Variants in SPAG16 observed in about 807,000 individuals in gnomAD.
SPAG16 encodes the protein sperm-associated antigen 16 protein.
SPAG16 carries 86 observed loss-of-function variants against 80.4 expected under a neutral mutation model. That is an observed-to-expected ratio of 1.07 (90% CI 0.90 to 1.28). The LOEUF (loss-of-function observed/expected upper bound fraction) is 1.28. SPAG16 is among the 50% of genes most tolerant of loss of function. The pLI, the probability that SPAG16 is intolerant of heterozygous loss-of-function variation, is 0.00. For synonymous variants in SPAG16, 294 were observed against 265.9 expected (o/e 1.11, Z -1.03); for missense variants, 870 against 765.3 (o/e 1.14, Z -1.61).
chr2:214,185,162 T>C (rs2125680932), intron 15 of SPAG16, among the ~76,000 whole-genome samples: 1 of 152,212 alleles, frequency 6.6e-6, no homozygotes, highest in African/African-American at 2.4e-5. Flanking sequence ...TTCTAGAGGC[T>C]CACTGCTTTC....
chr2:214,091,641 CAT>C (rs1246326989), intron 13 of SPAG16, among the ~76,000 whole-genome samples: 1 of 152,116 alleles, frequency 6.6e-6, no homozygotes, highest in East Asian at 1.9e-4. Flanking sequence ...TCTTGCTATA[CAT>C]TAGTCTATAA....
At chr2:213,851,339 A>C (rs532094379) in intron 10 of SPAG16, among the ~76,000 whole-genome samples, 1 of 152,060 alleles carries the variant, frequency 6.6e-6, no homozygotes, top group Non-Finnish European at 1.5e-5. Flanking sequence ...ATGAAACCCC[A>C]TCTCTACTAA....
intron 8 of SPAG16, among the ~76,000 whole-genome samples, chr2:213,365,958 C>T (rs1171314720): frequency 8.0e-5 from 12 of 149,298 alleles, no homozygotes; most frequent in South Asian, 6.3e-4. Context: ...CCGGCTAAAA[C>T]GGTGAAACCC....
chr2:214,041,935 T>TTATATATATATATATATATATATTTA (rs1229163435), intron 13 of SPAG16, among the ~76,000 whole-genome samples: 3 of 142,034 alleles, frequency 2.1e-5, no homozygotes, highest in Admixed American at 7.1e-5. Flanking sequence ...GTGTATATAT[T>TTATATATATATATATATATATATTTA]TATATATATA....
chr2:213,931,913 T>C lies in SPAG16; in HGVS notation c.1400+1768T>C, dbSNP rs185542886. ...ACAAATAAAGTAGAAATTGATTGTT[T>C]CTATAGTGGCTATTGATATACCTTT... On this transcript the variant is annotated intron_variant, in intron 12 of 15. Transcript: ENST00000331683. Among the ~76,000 whole-genome samples the C allele has an allele frequency of 5.8e-3, 887 of 152,088 alleles. 2 individuals carry two copies. The highest frequency in any genetic ancestry group is 8.7e-3 in the Non-Finnish European group (590 of 67,992).
intron 15 of SPAG16, among the ~76,000 whole-genome samples, chr2:214,237,231 G>T (rs748432202): frequency 2.6e-5 from 4 of 151,906 alleles, no homozygotes; most frequent in Non-Finnish European, 5.9e-5. Context: ...TAAAGATAAA[G>T]AAAGCACTTA....
intron 10 of SPAG16, among the ~76,000 whole-genome samples, chr2:213,620,412 A>G (rs541842579): frequency 6.8e-6 from 1 of 146,374 alleles, no homozygotes; most frequent in Non-Finnish European, 1.5e-5. Context: ...CCTGCCTCAG[A>G]CTCCTGAGTA....
At chr2:213,569,848 G>C (rs1219709010) in intron 10 of SPAG16, among the ~76,000 whole-genome samples, 2 of 135,514 alleles carry the variant, frequency 1.5e-5, no homozygotes, top group Non-Finnish European at 3.0e-5. Context: ...GAATTCGGCT[G>C]TGAATCCATC....
chr2:213,483,121 ATAT>A (rs768679459), intron 9 of SPAG16, among the ~76,000 whole-genome samples: 3 of 152,150 alleles, frequency 2.0e-5, no homozygotes, highest in Non-Finnish European at 2.9e-5. Context: ...TTCTTCATGA[ATAT>A]TATTATTAAT....
At chr2:213,913,731 G>A (rs2077814733) in intron 11 of SPAG16, among the ~76,000 whole-genome samples, 1 of 151,866 alleles carries the variant, frequency 6.6e-6, no homozygotes, top group African/African-American at 2.4e-5. Flanking sequence ...AGAGATACAT[G>A]CAGAGACAGA....
At chr2:214,144,537 C>T (rs2055534506) in intron 14 of SPAG16, among the ~76,000 whole-genome samples, 2 of 152,066 alleles carry the variant, frequency 1.3e-5, no homozygotes, top group Non-Finnish European at 1.5e-5. Flanking sequence ...CTAGAATGTA[C>T]TGCTAAACAA....
chr2:214,330,417 G>T (rs529592213), intron 15 of SPAG16, among the ~76,000 whole-genome samples: 7 of 152,252 alleles, frequency 4.6e-5, no homozygotes, highest in Non-Finnish European at 7.4e-5. Context: ...AAATGAAAGG[G>T]CACTGTTTTA....
chr2:213,315,173 T>C (rs1019701500), intron 4 of SPAG16, among the ~76,000 whole-genome samples: 2 of 152,000 alleles, frequency 1.3e-5, no homozygotes, highest in Admixed American at 1.3e-4. Context: ...TTGTTTTTTT[T>C]AACTTTATTG....
chr2:213,531,871 G>C (rs1471606865), intron 10 of SPAG16, among the ~76,000 whole-genome samples: 2 of 151,988 alleles, frequency 1.3e-5, no homozygotes, highest in Admixed American at 1.3e-4. Context: ...AATCCATTTG[G>C]AATCTTACAA....
At chr2:213,745,924 G>A (rs1457488671) in intron 10 of SPAG16, among the ~76,000 whole-genome samples, 2 of 152,166 alleles carry the variant, frequency 1.3e-5, no homozygotes, top group African/African-American at 4.8e-5. Context: ...ACTTAAGAAA[G>A]GTGGTAGGTT....
At chr2:214,371,846 A>C (rs1699840371) in intron 15 of SPAG16, among the ~76,000 whole-genome samples, 1 of 151,434 alleles carries the variant, frequency 6.6e-6, no homozygotes, top group Non-Finnish European at 1.5e-5. Context: ...ACACCTGGCT[A>C]ATTTTTATAT....
At chr2:214,091,956 C>G (rs6743751) in intron 13 of SPAG16, among the ~76,000 whole-genome samples, 101,410 of 151,900 alleles carry the variant, frequency 0.67, 34,339 homozygotes, top group African/African-American at 0.74. Flanking sequence ...AAACACACTT[C>G]CAGACAAGGT....
chr2:214,058,742 T>C (rs1022743910), intron 13 of SPAG16, among the ~76,000 whole-genome samples: 1 of 151,992 alleles, frequency 6.6e-6, no homozygotes, highest in African/African-American at 2.4e-5. Flanking sequence ...TATCCAAATG[T>C]AGTAAAGGAA....
At chr2:214,110,049 T>A (rs1255199102) in intron 14 of SPAG16, among the ~76,000 whole-genome samples, 1 of 152,202 alleles carries the variant, frequency 6.6e-6, no homozygotes, top group South Asian at 2.1e-4. Flanking sequence ...ATTTATTGAA[T>A]TAGCAATCAA....
Sources: gnomAD v4.1 joint callset for allele counts (sites outside exome capture counted in the v4.1 genomes callset) on GRCh38, gnomAD v4.1.1 for gene constraint, MANE v1.5 for transcripts, NCBI Gene and HGNC (gene_info 2026-07-23, HGNC 2026-07-21) for gene names.